The following HBP1 variants were observed in gnomAD, a reference collection of about 807,000 sequenced individuals.
HBP1 encodes the protein HMG box-containing protein 1.
A neutral mutation model predicts 62.6 loss-of-function variants in HBP1; 20 were observed. That is an observed-to-expected ratio of 0.32 (90% CI 0.22 to 0.46). The LOEUF is 0.46. Among genes scored for constraint, HBP1 ranks in the 20% least tolerant of loss-of-function variants. The pLI, the probability that HBP1 is intolerant of heterozygous loss-of-function variation, is 1.00. For missense variants in HBP1, 480 were observed against 611.8 expected (o/e 0.78, Z 2.27); for synonymous variants, 232 against 206.2 (o/e 1.12, Z -1.07).
intron 8 of HBP1, chr7:107,192,473 GAA>G (rs1017116063): frequency 9.9e-5 from 15 of 152,066 alleles, no homozygotes; most frequent in African/African-American, 3.4e-4. Flanking sequence ...TATTGAAAAA[GAA>G]TGATTAACAT....
rs117838182 is a variant in HBP1 at position 107,183,254 on chromosome 7, G to A, written c.398+653G>A. 2.7e-3 allele frequency among the ~76,000 whole-genome samples: 414 copies of A among 152,284 alleles called. 5 individuals are homozygous for A. Among genetic ancestry groups the A allele is most frequent in the East Asian group, 0.027 (140 of 5,182 alleles). On this transcript the variant is annotated intron_variant, in intron 3 of 10. Transcript: ENST00000222574. The stretch of plus-strand genomic sequence containing the variant: ...TAAATATGACAGTTTATAAGGGAGA[G>A]AAATGCCCATATTTGCACACCTGTG...
At chr7:107,191,431 G>A (rs1331989258) in intron 8 of HBP1, among the ~76,000 whole-genome samples, 1 of 152,120 alleles carries the variant, frequency 6.6e-6, no homozygotes, top group Non-Finnish European at 1.5e-5. Context: ...AAAAATTTTG[G>A]AAGATAATTT....
At chr7:107,189,101 G>GT (rs994827943) in intron 6 of HBP1, among the ~76,000 whole-genome samples, 191 bp from the exon 7 acceptor site, 7 of 152,160 alleles carry the variant, frequency 4.6e-5, no homozygotes, top group Admixed American at 3.3e-4. Context: ...ATACTTGAGT[G>GT]TAAGTGCTTA....
Position 107,176,304 on chromosome 7 carries a change from G to C in HBP1, c.-15-3575G>C, listed in dbSNP as rs1584476992. 5.9e-5 allele frequency among the ~76,000 whole-genome samples: 9 copies of C among 152,096 alleles called. 1 individual carries two copies. The highest frequency in any genetic ancestry group is 5.9e-4 in the Admixed American group (9 of 15,272). ...TTCCCAAAGTGCTGGGATTACAGGCGTGAACCACTGATCTAGCCCCTTCTT... is the reference window on the plus strand; with the variant it reads ...TTCCCAAAGTGCTGGGATTACAGGCCTGAACCACTGATCTAGCCCCTTCTT... On this transcript the variant is annotated intron_variant, in intron 1 of 10. Coordinates refer to ENST00000222574, the MANE Select transcript of HBP1 (RefSeq NM_012257.4).
chr7:107,181,631 A>G (rs1317400877), intron 2 of HBP1, among the ~76,000 whole-genome samples: 1 of 151,706 alleles, frequency 6.6e-6, no homozygotes, highest in Non-Finnish European at 1.5e-5. Flanking sequence ...AGGTTTGTGG[A>G]GTTTGTAGGT....
chr7:107,179,851 C>T (rs146454267), intron 1 of HBP1, 28 bp from the exon 2 acceptor site: 1 of 1,481,238 alleles, frequency 6.8e-7, no homozygotes, highest in African/African-American at 1.4e-5. Context: ...GGCTTGACAT[C>T]ATTTCTTAAT....
Position 107,190,246 on chromosome 7 carries a change from T to C in HBP1, c.996T>C (p.Asp332=), listed in dbSNP as rs200936188. The C allele has an allele frequency of 1.9e-5, 30 of 1,611,604 alleles. No homozygotes were observed. Among genetic ancestry groups the C allele is most frequent in the Non-Finnish European group, 2.2e-5 (26 of 1,177,904 alleles). Residue 332 remains aspartate, a synonymous_variant, in exon 8 of 11, where the codon GAT becomes GAC. Coordinates refer to ENST00000222574, the MANE Select transcript of HBP1 (RefSeq NM_012257.4). ...CATGTTGTGAAGTTCATATTGGCGA[T>C]GTATGTCTACCTCCTGGACACCCCG... is the stretch of plus-strand genomic sequence containing the variant. ...GIPCCEVHIG[D]VCLPPGHPDA...
chr7:107,173,809 C>A (rs1445369622), intron 1 of HBP1, among the ~76,000 whole-genome samples: 1 of 152,122 alleles, frequency 6.6e-6, no homozygotes, highest in Admixed American at 6.5e-5. Flanking sequence ...TCACTGATCT[C>A]GTGAAGAGAT....
intron 1 of HBP1, among the ~76,000 whole-genome samples, chr7:107,171,221 C>T (rs905831991): frequency 6.6e-6 from 1 of 150,606 alleles, no homozygotes; most frequent in Non-Finnish European, 1.5e-5. Flanking sequence ...AGGTGAGCGC[C>T]ACCACTCTCA....
rs544369771 is a variant in HBP1 at position 107,197,570 on chromosome 7, A to G, written c.1385+1419A>G. Among the ~76,000 whole-genome samples the G allele has an allele frequency of 2.1e-4, 32 of 152,184 alleles. No individual in the cohort carries two copies. In the South Asian group the frequency reaches 3.1e-3, roughly 15 times the overall value. On this transcript the variant is annotated intron_variant, in intron 9 of 10. Coordinates refer to ENST00000222574, the MANE Select transcript of HBP1 (RefSeq NM_012257.4). ...TATTTAGTAGACATGGGGTTTCACT[A>G]TGTTGGCCAGGCTGGTCTCAAACTC...
intron 1 of HBP1, 137 bp downstream of exon 1, chr7:107,169,322 C>G: frequency 3.0e-6 from 1 of 328,468 alleles, no homozygotes; most frequent in Non-Finnish European, 4.7e-6. Context: ...GGGCAGTTAA[C>G]CGTTCGATTG....
In HBP1 at chr7:107,201,611, A is replaced by G; in HGVS notation, c.*180A>G. 2.2e-6 allele frequency: 1 copy of G among 453,952 alleles called. No homozygotes were observed. The highest frequency in any genetic ancestry group is 3.4e-5 in the East Asian group (1 of 29,528). 28.1% of individuals were successfully genotyped at this position (453,952 alleles called of 1,614,324 possible). The stretch of plus-strand genomic sequence containing the variant: ...GAGGATTTGCTTTCTCCATTAGAGC[A>G]TTAAGCTAAAACTATCAACATTTTA... On this transcript the variant is annotated 3_prime_UTR_variant, in exon 11 of 11. Coordinates refer to ENST00000222574, the MANE Select transcript of HBP1 (RefSeq NM_012257.4).
In HBP1 at chr7:107,171,067, A is replaced by ATATATATTT. The variant is rs1554380399; in HGVS notation, c.-16+1884_-16+1892dup. On this transcript the variant is annotated intron_variant, in intron 1 of 10. Transcript: ENST00000222574. ...TATAAATATATATATATATATATAT[A>ATATATATTT]TATATATTTTTTTTTTTTTTTGAGA... 1.9e-4 allele frequency among the ~76,000 whole-genome samples: 13 copies of ATATATATTT among 66,680 alleles called. 1 individual carries two copies. Among genetic ancestry groups the ATATATATTT allele is most frequent in the African/African-American group, 2.8e-4 (2 of 7,176 alleles). 43.7% of individuals were successfully genotyped at this position (66,680 alleles called of 152,430 possible).
intron 6 of HBP1, among the ~76,000 whole-genome samples, chr7:107,186,972 G>T (rs930227800): frequency 1.3e-5 from 2 of 152,180 alleles, no homozygotes; most frequent in Non-Finnish European, 2.9e-5. Context: ...ATGTAATGAG[G>T]TCGGGCGCAG....
At chr7:107,186,764 A>G in intron 6 of HBP1, 83 bp downstream of exon 6, 2 of 769,428 alleles carry the variant, frequency 2.6e-6, no homozygotes, top group Non-Finnish European at 4.4e-6. Context: ...AATATCCTCC[A>G]TTCACTTTGA....
chr7:107,170,696 A>C (rs911150506), intron 1 of HBP1, among the ~76,000 whole-genome samples: 1 of 152,006 alleles, frequency 6.6e-6, no homozygotes, highest in East Asian at 1.9e-4. Context: ...TTCACTTTCT[A>C]GTTTCATCTT....
In HBP1 at chr7:107,201,790, A is replaced by AAAAT. The variant is rs1229315949; in HGVS notation, c.*361_*364dup. On this transcript the variant is annotated 3_prime_UTR_variant, in exon 11 of 11. Coordinates refer to ENST00000222574, the MANE Select transcript of HBP1 (RefSeq NM_012257.4). ...TAAATTGTACGAAAGGGGAATTTAA[A>AAAAT]AAATATGTAACTGCTGTTTATACAT... is the stretch of plus-strand genomic sequence containing the variant. The AAAAT allele has an allele frequency of 1.6e-5, 3 of 189,530 alleles. No homozygotes were observed. In the South Asian group the frequency reaches 4.9e-4, roughly 31 times the overall value. The allele number at this position is 189,530 out of a possible 1,614,324, so 11.7% of individuals were successfully genotyped here. A position where few individuals can be genotyped will look rare whatever the true frequency, so the allele number is the denominator to read the frequency against.
At position 107,180,031 on chromosome 7, in the gene HBP1, A is replaced by G. The variant is rs770429423; in HGVS notation, c.138A>G (p.Gly46=). 4 of 1,601,188 alleles carry G rather than the reference A, an allele frequency of 2.5e-6. No homozygotes were observed. Among genetic ancestry groups the G allele is most frequent in the Non-Finnish European group, 2.6e-6 (3 of 1,169,414 alleles). Residue 46 remains glycine (G), a synonymous_variant, in exon 2 of 11, where the codon GGA becomes GGG. Transcript: ENST00000222574. ...ATGAGAATTTGCCATCTTCACCTGG[A>G]TATAACTCCTGTGATGAACACATGG... The part of the protein sequence containing the change: ...QCNENLPSSP[G]YNSCDEHMEL...
At chr7:107,170,957 A>G (rs1213588354) in intron 1 of HBP1, among the ~76,000 whole-genome samples, 1 of 145,084 alleles carries the variant, frequency 6.9e-6, no homozygotes, top group African/African-American at 2.5e-5. Context: ...ATACATGTAT[A>G]TATATAAAAT....
Sources: gnomAD v4.1 joint callset for allele counts (sites outside exome capture counted in the v4.1 genomes callset) on GRCh38, gnomAD v4.1.1 for gene constraint, MANE v1.5 for transcripts, NCBI Gene and HGNC (gene_info 2026-07-23, HGNC 2026-07-21) for gene names.